Variants in ANKS1A observed in about 807,000 individuals in gnomAD.
ANKS1A encodes the protein ankyrin repeat and sterile alpha motif domain containing 1A, also known as ankyrin repeat and SAM domain-containing protein 1A.
In ANKS1A, 55 loss-of-function variants were observed where a neutral mutation model predicts 120.3. The observed-to-expected ratio is 0.46, with a 90% CI of 0.37 to 0.57. The LOEUF (loss-of-function observed/expected upper bound fraction) is 0.57, where lower values mean the gene tolerates loss of function less well. Ranked by LOEUF, ANKS1A falls within the 20% of genes least tolerant of loss-of-function variation. The probability of loss-of-function intolerance (pLI) is 0.00; values close to 1 mark genes in which losing one functional copy is unlikely to be tolerated. For missense variants in ANKS1A, 1,123 were observed against 1,480.3 expected (o/e 0.76, Z 3.96); for synonymous variants, 590 against 604.7 (o/e 0.98, Z 0.36).
chr6:34,929,220 T>C (rs1040455674), intron 1 of ANKS1A, among the ~76,000 whole-genome samples: 4 of 152,252 alleles, frequency 2.6e-5, no homozygotes, highest in Admixed American at 2.6e-4. Flanking sequence ...AGGCTTTCAA[T>C]ACTTTTTTTG....
intron 2 of ANKS1A, among the ~76,000 whole-genome samples, chr6:34,969,146 G>A (rs1397339867): frequency 6.6e-6 from 1 of 152,058 alleles, no homozygotes. Flanking sequence ...ATTATATACT[G>A]GTATGTGTTT....
chr6:35,057,477 G>C lies in ANKS1A; in HGVS notation c.2078-2670G>C, dbSNP rs1025023546. 2.6e-5 allele frequency among the ~76,000 whole-genome samples: 4 copies of C among 152,212 alleles called. No individual in the cohort carries two copies. Among genetic ancestry groups the C allele is most frequent in the Admixed American group, 2.6e-4 (4 of 15,290 alleles). On this transcript the variant is annotated intron_variant, in intron 12 of 23. Transcript: ENST00000360359. The surrounding 1 kb of genome is among the most constrained non-coding windows in gnomAD (Gnocchi z 4.1). ...CTCTCTTTTCCAGGGCTCATCTACA[G>C]CCTATTGGGATACCAGTATCTCCCA...
chr6:35,078,571 T>C lies in ANKS1A; in HGVS notation c.2198T>C (p.Met733Thr). The change falls in exon 14 of 24, where the codon ATG becomes ACG. Residue 733 changes from methionine (M) to threonine (T), a missense_variant. Coordinates refer to ENST00000360359, the MANE Select transcript of ANKS1A (RefSeq NM_015245.3). ...TTCTGCTCTCAGGGGTCTAATGTGATGGAAGAGCAGGACCTGCGGGACATC... is the reference window on the plus strand; with the variant it reads ...TTCTGCTCTCAGGGGTCTAATGTGACGGAAGAGCAGGACCTGCGGGACATC... Reference protein sequence around the residue: ...DDVHFLGSNVMEEQDLRDIGI... With the variant: ...DDVHFLGSNVTEEQDLRDIGI... 6.2e-7 allele frequency: 1 copy of C among 1,610,876 alleles called. No individual in the cohort carries two copies. Among genetic ancestry groups the C allele is most frequent in the Non-Finnish European group, 8.5e-7 (1 of 1,179,926 alleles).
rs1424061937 is a variant in ANKS1A, at chr6:35,057,348, C to T, written c.2078-2799C>T. ...TGGCTCTGTCAACAAAGGCCTTCTC[C>T]GTCAAGCAGAAGGGAACTTGCTTGG... On this transcript the variant is annotated intron_variant, in intron 12 of 23. Transcript: ENST00000360359. This position sits in a 1 kb window ranked among gnomAD's most constrained non-coding sequence, Gnocchi z 4.1. Among the ~76,000 whole-genome samples, 2 of 152,148 alleles carry T rather than the reference C, an allele frequency of 1.3e-5. No individual in the cohort carries two copies. Among genetic ancestry groups the T allele is most frequent in the African/African-American group, 4.8e-5 (2 of 41,436 alleles).
intron 1 of ANKS1A, among the ~76,000 whole-genome samples, chr6:34,898,007 G>A (rs1342807243): frequency 6.6e-6 from 1 of 152,062 alleles, no homozygotes; most frequent in Non-Finnish European, 1.5e-5. Flanking sequence ...TATATATAAT[G>A]GGCCTGGGAT....
chr6:35,026,379 G>A (rs1774625469), intron 11 of ANKS1A, among the ~76,000 whole-genome samples: 1 of 152,206 alleles, frequency 6.6e-6, no homozygotes, highest in Non-Finnish European at 1.5e-5. Flanking sequence ...CTCTGTTCCA[G>A]GTAGGCTGTA....
At chr6:35,094,905 C>T (rs538123944), downstream of ANKS1A, among the ~76,000 whole-genome samples, 5 of 152,156 alleles carry the variant, frequency 3.3e-5, no homozygotes, top group East Asian at 7.7e-4. Context: ...CTTTGGAAGG[C>T]GAAGTGGGAG....
Position 35,082,222 on chromosome 6 carries a change from G to A in ANKS1A, c.2710-469G>A, listed in dbSNP as rs56340485. ...AGCTGCTGCCAGAAGGATCCATTTG[G>A]AATGCATTCCTAGGCACGGGCGGGT... On this transcript the variant is annotated intron_variant, in intron 17 of 23. Coordinates refer to ENST00000360359, the MANE Select transcript of ANKS1A (RefSeq NM_015245.3). This position sits in a 1 kb window ranked among gnomAD's most constrained non-coding sequence, Gnocchi z 4.1. Among the ~76,000 whole-genome samples, 19,794 of 151,758 alleles carry A rather than the reference G, an allele frequency of 0.13. 1,417 individuals carry two copies. The highest frequency in any genetic ancestry group is 0.15 in the Admixed American group (2,336 of 15,246).
intron 9 of ANKS1A, among the ~76,000 whole-genome samples, chr6:34,992,338 A>G (rs964867365): frequency 6.6e-6 from 1 of 152,214 alleles, no homozygotes; most frequent in Non-Finnish European, 1.5e-5. Context: ...TGTCCTGCAC[A>G]AGAACTAGGC....
chr6:35,053,932 C>T (rs1359927938), intron 11 of ANKS1A, among the ~76,000 whole-genome samples, 167 bp from the exon 12 acceptor site: 1 of 152,200 alleles, frequency 6.6e-6, no homozygotes, highest in Non-Finnish European at 1.5e-5. Context: ...CAGAGAAGGC[C>T]TCTCTTAGAC....
chr6:34,992,738 G>C (rs966101885), intron 9 of ANKS1A, among the ~76,000 whole-genome samples: 17 of 152,222 alleles, frequency 1.1e-4, no homozygotes, highest in African/African-American at 3.9e-4. Flanking sequence ...TTAGCTTCCA[G>C]GTAGCTTGCT....
At chr6:34,967,150 T>C in intron 1 of ANKS1A, 89 bp from the exon 2 acceptor site, 4 of 1,290,938 alleles carry the variant, frequency 3.1e-6, no homozygotes, top group South Asian at 1.3e-5. Flanking sequence ...CACACAGAAA[T>C]CTTTACTAAT....
In ANKS1A at chr6:35,060,980, G is replaced by A. The variant is rs111994949; in HGVS notation, c.2184+727G>A. 4.6e-5 allele frequency among the ~76,000 whole-genome samples: 7 copies of A among 152,170 alleles called. No individual in the cohort carries two copies. Among genetic ancestry groups the A allele is most frequent in the Admixed American group, 2.0e-4 (3 of 15,286 alleles). Reference sequence around the variant, plus strand: ...AGCCCTTCTAGAGGCATCTGCATGCGCCGGGCCTGCTTCCAGGAGCAGGCA... The same window carrying A: ...AGCCCTTCTAGAGGCATCTGCATGCACCGGGCCTGCTTCCAGGAGCAGGCA... On this transcript the variant is annotated intron_variant, in intron 13 of 23. Coordinates refer to ENST00000360359, the MANE Select transcript of ANKS1A (RefSeq NM_015245.3). The surrounding 1 kb of genome is among the most constrained non-coding windows in gnomAD (Gnocchi z 4.5).
intron 11 of ANKS1A, among the ~76,000 whole-genome samples, chr6:35,029,828 T>TA (rs769488974): frequency 7.1e-4 from 105 of 148,410 alleles, no homozygotes; most frequent in Non-Finnish European, 1.2e-3. Flanking sequence ...AAATCTATTT[T>TA]TTATATATAT....
chr6:34,985,179 C>T lies in ANKS1A; in HGVS notation c.1110C>T (p.Cys370=). The part of the protein sequence containing the change: ...PYEALYNAIS[C]HSLDSMASGR... ...AAGCTCTGTATAATGCCATCTCCTG[C>T]CATTCGTTGGACAGCATGGCCAGCG... Residue 370 remains cysteine, a synonymous_variant, in exon 8 of 24, where the codon TGC becomes TGT. Coordinates refer to ENST00000360359, the MANE Select transcript of ANKS1A (RefSeq NM_015245.3). 6.2e-7 allele frequency: 1 copy of T among 1,614,200 alleles called. No homozygotes were observed. Among genetic ancestry groups the T allele is most frequent in the Non-Finnish European group, 8.5e-7 (1 of 1,180,030 alleles).
At chr6:34,899,320 A>G (rs138054109) in intron 1 of ANKS1A, among the ~76,000 whole-genome samples, 99 of 152,298 alleles carry the variant, frequency 6.5e-4, no homozygotes, top group African/African-American at 2.3e-3. Context: ...ATACAAATGC[A>G]TGGAGCAATA....
intron 1 of ANKS1A, among the ~76,000 whole-genome samples, chr6:34,936,476 C>T (rs1313060239): frequency 6.6e-6 from 1 of 152,194 alleles, no homozygotes; most frequent in African/African-American, 2.4e-5. Context: ...AGGTCATTAT[C>T]TTTAGATTTT....
Position 35,090,338 on chromosome 6 carries a change from GCA to G in ANKS1A, c.*1732_*1733del. On this transcript the variant is annotated 3_prime_UTR_variant, in exon 24 of 24. Coordinates refer to ENST00000360359, the MANE Select transcript of ANKS1A (RefSeq NM_015245.3). ...CCAGAGTAGACTGCGCTGCCACTGC[GCA>G]CATGCTGGTGCCCGTCTTCCTCCTA... is the stretch of plus-strand genomic sequence containing the variant. 1 of 1,277,126 alleles carries G rather than the reference GCA, an allele frequency of 7.8e-7. No individual in the cohort carries two copies. Among genetic ancestry groups the G allele is most frequent in the Non-Finnish European group, 1.0e-6 (1 of 980,082 alleles). 79.1% of individuals were successfully genotyped at this position (1,277,126 alleles called of 1,614,324 possible).
chr6:34,911,658 G>C (rs778264506), intron 1 of ANKS1A, among the ~76,000 whole-genome samples: 1 of 152,100 alleles, frequency 6.6e-6, no homozygotes, highest in South Asian at 2.1e-4. Context: ...CACCCTGAAC[G>C]GTCATTAAGA....
Sources: gnomAD v4.1 joint callset for allele counts (sites outside exome capture counted in the v4.1 genomes callset) on GRCh38, gnomAD v4.1.1 for gene constraint, Gnocchi (gnomAD v3.1) non-coding constraint, MANE v1.5 for transcripts, NCBI Gene and HGNC (gene_info 2026-07-23, HGNC 2026-07-21) for gene names.